SOX5: variants seen among roughly 807,000 people sequenced by gnomAD.
SOX5 encodes the protein SRY-box transcription factor 5.
SOX5 carries 9 observed loss-of-function variants against 92.0 expected under a neutral mutation model. The ratio of observed to expected loss-of-function variants is 0.10; its 90% CI spans 0.06 to 0.17. The LOEUF (loss-of-function observed/expected upper bound fraction) is 0.17, where lower values mean the gene tolerates loss of function less well. Ranked by LOEUF, SOX5 falls within the 10% of genes least tolerant of loss-of-function variation. The pLI is 1.00. For missense variants in SOX5, 642 were observed against 944.5 expected, an observed-to-expected ratio of 0.68 and a Z score of 4.20; for synonymous variants, 344 against 336.3, an observed-to-expected ratio of 1.02 and a Z score of -0.25.
intron 1 of SOX5, among the ~76,000 whole-genome samples, chr12:23,949,207 CA>C: frequency 6.6e-6 from 1 of 151,966 alleles, no homozygotes; most frequent in Admixed American, 6.6e-5. Flanking sequence ...ACATTCTGCA[CA>C]AAAGCGTTTT....
At chr12:23,884,884 A>G (rs2097046199) in intron 2 of SOX5, among the ~76,000 whole-genome samples, 1 of 152,224 alleles carries the variant, frequency 6.6e-6, no homozygotes, top group Non-Finnish European at 1.5e-5. Flanking sequence ...GCTATTAATT[A>G]TTAGATATCT....
intron 3 of SOX5, among the ~76,000 whole-genome samples, chr12:24,261,328 T>A (rs1351574142): frequency 6.6e-6 from 1 of 152,182 alleles, no homozygotes; most frequent in African/African-American, 2.4e-5. Context: ...ATATGAGCCA[T>A]TAAGGACTTT....
chr12:23,999,248 T>TA (rs929544320), intron 4 of SOX5, among the ~76,000 whole-genome samples: 9 of 151,644 alleles, frequency 5.9e-5, no homozygotes, highest in Admixed American at 2.0e-4. Context: ...GTAGTATCTT[T>TA]AAAAAAATGA....
Position 24,137,233 on chromosome 12 carries a change from A to G in SOX5, c.-2+76110T>C, listed in dbSNP as rs550585503. ...ATATGTGGTCTAATAAAGCAAAATA[A>G]TGAATCTACACTGGGCAAGTTCTCT... is the stretch of plus-strand genomic sequence containing the variant. On this transcript the variant is annotated intron_variant, in intron 4 of 4. Transcript: ENST00000446891. 2.0e-5 allele frequency among the ~76,000 whole-genome samples: 3 copies of G among 151,874 alleles called. No individual in the cohort carries two copies. The South Asian group carries it at 6.3e-4, about 32-fold the overall frequency.
chr12:23,998,913 C>G (rs1488727638), intron 4 of SOX5, among the ~76,000 whole-genome samples: 1 of 150,780 alleles, frequency 6.6e-6, no homozygotes, highest in Non-Finnish European at 1.5e-5. Flanking sequence ...TCAAGAAGCT[C>G]AACAAACCAC....
intron 9 of SOX5, among the ~76,000 whole-genome samples, chr12:23,589,125 A>G (rs1378714738): frequency 6.6e-6 from 1 of 151,988 alleles, no homozygotes; most frequent in Non-Finnish European, 1.5e-5. Flanking sequence ...ATATATCCAT[A>G]CATATAACAT....
intron 1 of SOX5, among the ~76,000 whole-genome samples, chr12:24,371,944 T>C (rs935313284): frequency 6.6e-6 from 1 of 151,360 alleles, no homozygotes; most frequent in Non-Finnish European, 1.5e-5. Context: ...GCCGAGATCA[T>C]GCCACTGCAC....
At chr12:24,343,441 T>G (rs950243650) in intron 2 of SOX5, among the ~76,000 whole-genome samples, 2 of 150,294 alleles carry the variant, frequency 1.3e-5, no homozygotes, top group Non-Finnish European at 3.0e-5. Context: ...ATTTATTTAT[T>G]TATATATATA....
chr12:24,213,650 T>C (rs181077264), intron 3 of SOX5, among the ~76,000 whole-genome samples: 65 of 151,716 alleles, frequency 4.3e-4, no homozygotes, highest in Non-Finnish European at 2.9e-5. Context: ...AACATCAGAC[T>C]CATACGACTG....
intron 4 of SOX5, among the ~76,000 whole-genome samples, chr12:23,979,913 C>CATACAGA (rs1555459467): frequency 2.4e-5 from 3 of 124,182 alleles, no homozygotes; most frequent in Non-Finnish European, 3.3e-5. Context: ...GGCTGGCTGG[C>CATACAGA]CAGACAGACA....
intron 6 of SOX5, among the ~76,000 whole-genome samples, chr12:23,666,956 C>T (rs1469547556): frequency 6.6e-6 from 1 of 152,126 alleles, no homozygotes; most frequent in Non-Finnish European, 1.5e-5. Flanking sequence ...CTCATCATTT[C>T]TCACTTTAAA....
chr12:24,072,204 A>AG (rs1941881239), intron 4 of SOX5, among the ~76,000 whole-genome samples: 1 of 152,208 alleles, frequency 6.6e-6, no homozygotes, highest in Non-Finnish European at 1.5e-5. Flanking sequence ...TAAAAGGAGA[A>AG]GGGGAAAAAA....
chr12:23,976,740 A>G (rs977757390), intron 4 of SOX5, among the ~76,000 whole-genome samples: 2 of 152,128 alleles, frequency 1.3e-5, no homozygotes, highest in African/African-American at 2.4e-5. Context: ...AAGGAAGAAC[A>G]TCAGTCCCGC....
At chr12:23,781,044 A>G (rs566030173) in intron 3 of SOX5, among the ~76,000 whole-genome samples, 15 of 152,144 alleles carry the variant, frequency 9.9e-5, no homozygotes, top group Middle Eastern at 3.4e-3. Context: ...CTCTTAATAC[A>G]TTTACTGATT....
intron 3 of SOX5, among the ~76,000 whole-genome samples, chr12:23,831,179 T>C (rs1468761752): frequency 6.6e-6 from 1 of 152,080 alleles, no homozygotes; most frequent in African/African-American, 2.4e-5. Flanking sequence ...CTGTAAAAAA[T>C]ACAAGTATCA....
chr12:23,735,942 G>A (rs577378557), intron 5 of SOX5, among the ~76,000 whole-genome samples: 1 of 152,100 alleles, frequency 6.6e-6, no homozygotes, highest in Non-Finnish European at 1.5e-5. Context: ...TGAGGGTGGA[G>A]GCCATGTATA....
At chr12:24,532,097 G>T (rs1441309417) in intron 1 of SOX5, among the ~76,000 whole-genome samples, 1 of 152,164 alleles carries the variant, frequency 6.6e-6, no homozygotes, top group African/African-American at 2.4e-5. Flanking sequence ...CAGGAGCCGG[G>T]GAGGTCTTTT....
intron 4 of SOX5, among the ~76,000 whole-genome samples, chr12:23,973,447 C>T (rs937724372): frequency 6.6e-6 from 1 of 152,088 alleles, no homozygotes; most frequent in Non-Finnish European, 1.5e-5. Context: ...GTGTGAGCTG[C>T]GGTGCCCAGC....
intron 6 of SOX5, among the ~76,000 whole-genome samples, chr12:23,717,960 A>G (rs1228388332): frequency 6.6e-6 from 1 of 152,226 alleles, no homozygotes; most frequent in Non-Finnish European, 1.5e-5. Flanking sequence ...GAGAAAAACT[A>G]TAATGTTTGC....
Sources: allele counts gnomAD v4.1 joint callset (sites outside exome capture counted in the v4.1 genomes callset), GRCh38; gene constraint gnomAD v4.1.1; transcripts MANE v1.5; gene names NCBI Gene and HGNC (gene_info 2026-07-23, HGNC 2026-07-21).